Variants in SGCZ observed in about 807,000 individuals in gnomAD.
SGCZ encodes zeta-sarcoglycan.
SGCZ carries 40 observed loss-of-function variants against 41.3 expected under a neutral mutation model. The ratio of observed to expected loss-of-function variants is 0.97; its 90% CI spans 0.75 to 1.26. SGCZ has a LOEUF of 1.26. SGCZ is among the 50% of genes most tolerant of loss of function. The probability of loss-of-function intolerance (pLI) is 0.00; values close to 1 mark genes in which losing one functional copy is unlikely to be tolerated. For synonymous variants in SGCZ, 206 were observed against 137.5 expected (o/e 1.50, Z -3.49); for missense variants, 552 against 369.8 (o/e 1.49, Z -4.04).
intron 1 of SGCZ, among the ~76,000 whole-genome samples, chr8:14,808,354 G>A (rs1024474467): frequency 5.9e-5 from 9 of 151,976 alleles, no homozygotes; most frequent in African/African-American, 7.3e-5. Context: ...CTAATATCCA[G>A]AATCTACGAT....
At chr8:14,582,186 A>G (rs1207750366) in intron 1 of SGCZ, among the ~76,000 whole-genome samples, 1 of 152,166 alleles carries the variant, frequency 6.6e-6, no homozygotes, top group East Asian at 1.9e-4. Flanking sequence ...TATAACCTAC[A>G]AAATATATGC....
At position 14,194,403 on chromosome 8, in the gene SGCZ, C is replaced by G. The variant is rs1805202053; in HGVS notation, c.425-29701G>C. Among the ~76,000 whole-genome samples the G allele has an allele frequency of 3.3e-5, 5 of 151,872 alleles. 1 individual carries two copies. In the South Asian group the frequency reaches 1.0e-3, roughly 32 times the overall value. On this transcript the variant is annotated intron_variant, in intron 4 of 7. Transcript: ENST00000382080. ...ATACTGTGATATTACTAATACAAGT[C>G]TAATGTAATCTTAGTTTAATTAATA...
chr8:14,393,210 GT>G, intron 2 of SGCZ, among the ~76,000 whole-genome samples: 1 of 152,298 alleles, frequency 6.6e-6, no homozygotes, highest in African/African-American at 2.4e-5. Flanking sequence ...TTGGCAGATA[GT>G]AAATATATGG....
chr8:14,614,981 CAT>C (rs1012331527), intron 1 of SGCZ, among the ~76,000 whole-genome samples: 95 of 140,408 alleles, frequency 6.8e-4, no homozygotes, highest in African/African-American at 2.1e-3. Flanking sequence ...CATGTACACA[CAT>C]ATGTGTGTGT....
At chr8:14,882,406 A>T (rs1041260550) in intron 1 of SGCZ, among the ~76,000 whole-genome samples, 2 of 152,212 alleles carry the variant, frequency 1.3e-5, no homozygotes, top group Non-Finnish European at 2.9e-5. Context: ...TATCAGATTT[A>T]TCGATGATGA....
chr8:15,006,446 C>T (rs1468246741), intron 1 of SGCZ, among the ~76,000 whole-genome samples: 1 of 152,116 alleles, frequency 6.6e-6, no homozygotes, highest in Non-Finnish European at 1.5e-5. Flanking sequence ...CACTGAAGAA[C>T]ACTAAGGGAA....
At chr8:14,186,548 C>T (rs1804908084) in intron 4 of SGCZ, among the ~76,000 whole-genome samples, 1 of 152,160 alleles carries the variant, frequency 6.6e-6, no homozygotes, top group South Asian at 2.1e-4. Flanking sequence ...ACTAAAGGCA[C>T]TCCCCAACCC....
intron 3 of SGCZ, among the ~76,000 whole-genome samples, chr8:14,262,272 C>T (rs1010042400): frequency 4.6e-5 from 7 of 152,070 alleles, no homozygotes; most frequent in Non-Finnish European, 8.8e-5. Context: ...AAGTGATACA[C>T]GTTTTAATAG....
At chr8:14,376,580 C>A (rs1413337029) in intron 2 of SGCZ, among the ~76,000 whole-genome samples, 2 of 152,064 alleles carry the variant, frequency 1.3e-5, no homozygotes, top group African/African-American at 4.8e-5. Context: ...TTCAAAGACT[C>A]TACCCAACCT....
At chr8:14,318,957 TAGAG>T (rs1433794010) in intron 3 of SGCZ, among the ~76,000 whole-genome samples, 1 of 151,524 alleles carries the variant, frequency 6.6e-6, no homozygotes, top group Non-Finnish European at 1.5e-5. Context: ...AAATATGAAT[TAGAG>T]AGCGTAAGGG....
intron 2 of SGCZ, among the ~76,000 whole-genome samples, chr8:14,458,313 G>C (rs866622019): frequency 6.6e-6 from 1 of 152,054 alleles, no homozygotes; most frequent in Non-Finnish European, 1.5e-5. Flanking sequence ...ATAACTTCAG[G>C]AAGCAGTACT....
intron 2 of SGCZ, among the ~76,000 whole-genome samples, chr8:14,327,411 A>G (rs1323913261): frequency 1.3e-5 from 2 of 152,234 alleles, no homozygotes. Context: ...GTGACTGTCC[A>G]TATATATTCT....
chr8:14,980,227 T>C (rs943862202), intron 1 of SGCZ, among the ~76,000 whole-genome samples: 11 of 152,158 alleles, frequency 7.2e-5, no homozygotes, highest in African/African-American at 2.7e-4. Context: ...GACTGTGCTC[T>C]TTCCCTGATC....
intron 2 of SGCZ, among the ~76,000 whole-genome samples, chr8:14,351,453 A>C (rs921443398): frequency 2.6e-5 from 4 of 151,904 alleles, no homozygotes; most frequent in Non-Finnish European, 4.4e-5. Flanking sequence ...TAATTGCTTC[A>C]TGATCAATTT....
At chr8:15,043,248 A>G (rs564345897) in intron 1 of SGCZ, among the ~76,000 whole-genome samples, 2 of 152,282 alleles carry the variant, frequency 1.3e-5, no homozygotes, top group East Asian at 3.9e-4. Flanking sequence ...CAATGTGGAA[A>G]CTTAACAAAT....
intron 3 of SGCZ, among the ~76,000 whole-genome samples, chr8:14,287,449 A>C (rs535669372): frequency 6.6e-6 from 1 of 151,816 alleles, no homozygotes; most frequent in Non-Finnish European, 1.5e-5. Context: ...TGGTGGAAAA[A>C]AAGTGGCCCC....
intron 2 of SGCZ, among the ~76,000 whole-genome samples, chr8:14,473,016 A>G (rs918452550): frequency 6.6e-6 from 1 of 152,160 alleles, no homozygotes; most frequent in African/African-American, 2.4e-5. Flanking sequence ...TTTGTAAAAT[A>G]TAAATAGTAT....
chr8:15,211,003 C>T (rs571481990), intron 1 of SGCZ, among the ~76,000 whole-genome samples: 30 of 146,178 alleles, frequency 2.1e-4, no homozygotes, highest in African/African-American at 6.1e-4. Context: ...ACCCAGGCTT[C>T]TCTCTCTCTA....
At chr8:14,297,438 A>G (rs555439408) in intron 3 of SGCZ, among the ~76,000 whole-genome samples, 2 of 152,044 alleles carry the variant, frequency 1.3e-5, no homozygotes, top group Non-Finnish European at 2.9e-5. Flanking sequence ...CATAATTAAA[A>G]AAAGGGAAAA....
Sources: gnomAD v4.1 joint callset for allele counts (sites outside exome capture counted in the v4.1 genomes callset) on GRCh38, gnomAD v4.1.1 for gene constraint, MANE v1.5 for transcripts, NCBI Gene and HGNC (gene_info 2026-07-23, HGNC 2026-07-21) for gene names.